LRMDA: variants seen among roughly 807,000 people sequenced by gnomAD.
LRMDA encodes the protein leucine-rich melanocyte differentiation-associated protein.
LRMDA carries 18 observed loss-of-function variants against 29.8 expected under a neutral mutation model. That is an observed-to-expected ratio of 0.60 (90% CI 0.42 to 0.90). The LOEUF (loss-of-function observed/expected upper bound fraction) is 0.90, where lower values mean the gene tolerates loss of function less well. Ranked by LOEUF, LRMDA falls within the 40% of genes least tolerant of loss-of-function variation. The probability of loss-of-function intolerance (pLI) is 0.00; values close to 1 mark genes in which losing one functional copy is unlikely to be tolerated. For missense variants in LRMDA, 273 were observed against 273.9 expected, an observed-to-expected ratio of 1.00 and a Z score of 0.02; for synonymous variants, 125 against 109.4, an observed-to-expected ratio of 1.14 and a Z score of -0.89.
chr10:75,524,885 T>G (rs947906801), intron 2 of LRMDA, among the ~76,000 whole-genome samples: 1 of 152,204 alleles, frequency 6.6e-6, no homozygotes, highest in Non-Finnish European at 1.5e-5. Flanking sequence ...ACAGCCTAGC[T>G]GATTTAAAGG....
chr10:75,655,703 G>A (rs1841661422), intron 2 of LRMDA, among the ~76,000 whole-genome samples: 1 of 152,184 alleles, frequency 6.6e-6, no homozygotes, highest in Admixed American at 6.5e-5. Flanking sequence ...TCTGTTCAGA[G>A]GAGGAGAAAC....
At chr10:75,647,260 T>A (rs546170757) in intron 2 of LRMDA, among the ~76,000 whole-genome samples, 2 of 152,138 alleles carry the variant, frequency 1.3e-5, no homozygotes, top group Non-Finnish European at 2.9e-5. Flanking sequence ...AATTTTTTTT[T>A]AAAACCCTAA....
chr10:75,886,399 T>C (rs1342251254), intron 2 of LRMDA, among the ~76,000 whole-genome samples: 1 of 152,104 alleles, frequency 6.6e-6, no homozygotes, highest in Non-Finnish European at 1.5e-5. Context: ...CTATGACATA[T>C]CAGGGAAGAA....
At chr10:76,203,131 C>G (rs1851464139) in intron 5 of LRMDA, among the ~76,000 whole-genome samples, 1 of 152,172 alleles carries the variant, frequency 6.6e-6, no homozygotes, top group South Asian at 2.1e-4. Context: ...TTTGTGGAGA[C>G]AGTGGGATCC....
In LRMDA at chr10:75,733,537, C is replaced by CT. The variant is rs539805771; in HGVS notation, c.131+295051dup. 1.8e-4 allele frequency among the ~76,000 whole-genome samples: 28 copies of CT among 152,216 alleles called. No individual in the cohort carries two copies. In the South Asian group the frequency reaches 4.2e-3, roughly 23 times the overall value. The stretch of plus-strand genomic sequence containing the variant: ...TTTCTGTATGAGTGCCACAGGTTGA[C>CT]TTTTTTTTCCCACACAGAGCAAACA... On this transcript the variant is annotated intron_variant, in intron 2 of 6. Coordinates refer to ENST00000611255, the MANE Select transcript of LRMDA (RefSeq NM_001305581.2).
At chr10:75,663,507 C>T (rs1841781808) in intron 2 of LRMDA, among the ~76,000 whole-genome samples, 1 of 152,152 alleles carries the variant, frequency 6.6e-6, no homozygotes, top group Admixed American at 6.5e-5. Flanking sequence ...TATCTTGGTC[C>T]ATTTCATTCT....
chr10:75,449,908 AAAG>A (rs1564774056), intron 2 of LRMDA, among the ~76,000 whole-genome samples: 1 of 152,108 alleles, frequency 6.6e-6, no homozygotes, highest in East Asian at 1.9e-4. Context: ...TCTGAAGGGA[AAAG>A]AAGAGGTGCG....
intron 2 of LRMDA, among the ~76,000 whole-genome samples, chr10:75,511,635 TCTCA>T (rs1300879135): frequency 2.0e-5 from 3 of 152,216 alleles, no homozygotes; most frequent in Non-Finnish European, 2.9e-5. Flanking sequence ...ACATAATGGT[TCTCA>T]CTATCTCCCA....
At chr10:75,679,839 A>T (rs895763839) in intron 2 of LRMDA, among the ~76,000 whole-genome samples, 6 of 151,900 alleles carry the variant, frequency 3.9e-5, no homozygotes, top group African/African-American at 1.5e-4. Flanking sequence ...CCACAATAAC[A>T]TCTCCTTCTT....
intron 2 of LRMDA, among the ~76,000 whole-genome samples, chr10:75,696,440 G>A (rs918781808): frequency 6.6e-6 from 1 of 152,124 alleles, no homozygotes; most frequent in African/African-American, 2.4e-5. Flanking sequence ...ATTCTACATT[G>A]TCATTCAAAA....
chr10:75,674,485 CT>C (rs903977674), intron 2 of LRMDA, among the ~76,000 whole-genome samples: 4 of 151,156 alleles, frequency 2.6e-5, no homozygotes, highest in Admixed American at 6.6e-5. Context: ...TTCCATTTTT[CT>C]TTTTTTTTCC....
intron 2 of LRMDA, among the ~76,000 whole-genome samples, chr10:75,934,568 G>C (rs1354852887): frequency 6.6e-6 from 1 of 152,070 alleles, no homozygotes; most frequent in Non-Finnish European, 1.5e-5. Context: ...AGAGACCTGG[G>C]TAACAGTGAG....
intron 2 of LRMDA, chr10:75,450,085 G>A (rs1844442756): frequency 6.6e-6 from 1 of 152,152 alleles, no homozygotes; most frequent in Admixed American, 6.5e-5. Flanking sequence ...GGGTGTCTGT[G>A]TTTAATTGCA....
At chr10:75,487,710 C>CA in intron 2 of LRMDA, among the ~76,000 whole-genome samples, 1 of 152,320 alleles carries the variant, frequency 6.6e-6, no homozygotes, top group Middle Eastern at 3.4e-3. Context: ...CAACTCTCCA[C>CA]AAGCCAGTGC....
intron 6 of LRMDA, among the ~76,000 whole-genome samples, chr10:76,331,724 AT>A (rs1333768248): frequency 1.3e-5 from 2 of 152,026 alleles, no homozygotes; most frequent in East Asian, 3.9e-4. Context: ...TATTATTAGC[AT>A]TTGCTAATTA....
chr10:76,039,849 G>A (rs1442737057), intron 3 of LRMDA, among the ~76,000 whole-genome samples: 2 of 152,140 alleles, frequency 1.3e-5, no homozygotes, highest in Non-Finnish European at 2.9e-5. Flanking sequence ...CTATGTAAGG[G>A]TTACTATTAT....
rs1192417224 is a variant in LRMDA at position 76,363,116 on chromosome 10, G to GGAAAGAAAGAAAGAAA, written c.601+38677_601+38692dup. On this transcript the variant is annotated intron_variant, in intron 6 of 6. Coordinates refer to ENST00000611255, the MANE Select transcript of LRMDA (RefSeq NM_001305581.2). ...CTAGAGGTTTCAGCCTGTGGAGTAA[G>GGAAAGAAAGAAAGAAA]GAAAGAAAGAAAGAAAGAAAGAAAG... 2.4e-3 allele frequency among the ~76,000 whole-genome samples: 122 copies of GGAAAGAAAGAAAGAAA among 51,518 alleles called. 5 individuals carry two copies. The highest frequency in any genetic ancestry group is 8.0e-3 in the East Asian group (15 of 1,872). 33.8% of individuals were successfully genotyped at this position (51,518 alleles called of 152,430 possible).
chr10:76,123,229 C>T (rs1414208654), intron 5 of LRMDA, among the ~76,000 whole-genome samples: 1 of 151,686 alleles, frequency 6.6e-6, no homozygotes, highest in Non-Finnish European at 1.5e-5. Flanking sequence ...GTTAACAAGG[C>T]AAGGCACAGT....
intron 2 of LRMDA, among the ~76,000 whole-genome samples, chr10:75,689,610 G>A (rs2132159300): frequency 6.6e-6 from 1 of 152,268 alleles, no homozygotes; most frequent in East Asian, 1.9e-4. Context: ...GGTTCTGTGT[G>A]GGGAGCATGT....
Sources: gnomAD v4.1 joint callset for allele counts (sites outside exome capture counted in the v4.1 genomes callset) on GRCh38, gnomAD v4.1.1 for gene constraint, MANE v1.5 for transcripts, NCBI Gene and HGNC (gene_info 2026-07-23, HGNC 2026-07-21) for gene names.